Variants in SBF2 observed in about 807,000 individuals in gnomAD.
The protein encoded by SBF2 is myotubularin-related protein 13.
Under a neutral mutation model 225.2 loss-of-function variants are expected in SBF2, and 112 were observed. That is an observed-to-expected ratio of 0.50 (90% CI 0.43 to 0.58). The LOEUF (loss-of-function observed/expected upper bound fraction) is 0.58. Among genes scored for constraint, SBF2 ranks in the 20% least tolerant of loss-of-function variants. The pLI is 0.00. For missense variants in SBF2, 1,996 were observed against 2,206.2 expected (o/e 0.90, Z 1.91); for synonymous variants, 763 against 773.3 (o/e 0.99, Z 0.22).
intron 2 of SBF2, among the ~76,000 whole-genome samples, chr11:10,175,853 GA>G (rs1320962985): frequency 6.6e-6 from 1 of 151,894 alleles, no homozygotes; most frequent in Non-Finnish European, 1.5e-5. Context: ...TCAGGATTAA[GA>G]ATCTCACTCA....
intron 17 of SBF2, among the ~76,000 whole-genome samples, chr11:9,882,069 G>A (rs1440050418): frequency 6.6e-6 from 1 of 152,166 alleles, no homozygotes; most frequent in African/African-American, 2.4e-5. Context: ...ACAACATAAT[G>A]AGTCAAGTTG....
At chr11:9,916,638 C>T (rs1281030890) in intron 16 of SBF2, among the ~76,000 whole-genome samples, 2 of 144,934 alleles carry the variant, frequency 1.4e-5, no homozygotes, top group Non-Finnish European at 3.0e-5. Flanking sequence ...TGCTCTGTTG[C>T]CCAGGCTGGA....
At chr11:10,081,041 T>C (rs1403733008) in intron 2 of SBF2, among the ~76,000 whole-genome samples, 1 of 152,154 alleles carries the variant, frequency 6.6e-6, no homozygotes, top group African/African-American at 2.4e-5. Context: ...CTGACAGCAC[T>C]ACGCAGAGTA....
At chr11:10,203,648 A>C (rs1957644948) in intron 1 of SBF2, among the ~76,000 whole-genome samples, 2 of 151,078 alleles carry the variant, frequency 1.3e-5, no homozygotes, top group Non-Finnish European at 1.5e-5. Context: ...AATCAACTGA[A>C]ATAGACTCCA....
intron 1 of SBF2, among the ~76,000 whole-genome samples, chr11:10,217,212 T>C (rs1958164688): frequency 6.6e-6 from 1 of 152,192 alleles, no homozygotes; most frequent in African/African-American, 2.4e-5. Context: ...TCCTTCATAT[T>C]GGAGAACTAA....
At chr11:9,986,253 C>T (rs1338000714) in intron 13 of SBF2, among the ~76,000 whole-genome samples, 2 of 152,024 alleles carry the variant, frequency 1.3e-5, no homozygotes, top group African/African-American at 4.8e-5. Flanking sequence ...ATGACACAAC[C>T]TATCAAAACC....
At chr11:10,294,468 T>A (rs767832536), upstream of SBF2, among the ~76,000 whole-genome samples, 2 of 152,124 alleles carry the variant, frequency 1.3e-5, no homozygotes, top group Non-Finnish European at 2.9e-5. Context: ...AAGCAGGGGG[T>A]CCTTCCTTCC....
chr11:10,232,606 G>A lies in SBF2; in HGVS notation c.56-38619C>T, dbSNP rs188442807. Among the ~76,000 whole-genome samples, 153 of 145,038 alleles carry A rather than the reference G, an allele frequency of 1.1e-3. 1 individual carries two copies. The highest frequency in any genetic ancestry group is 6.1e-3 in the South Asian group (28 of 4,608). On this transcript the variant is annotated intron_variant, in intron 1 of 39. Transcript: ENST00000256190. ...AGGGACAAGGTCTTGCTCTGTCACC[G>A]AGGCTGGAGTACATTGGTGAGATCA... is the stretch of plus-strand genomic sequence containing the variant.
At chr11:10,134,804 G>A (rs1317299495) in intron 2 of SBF2, among the ~76,000 whole-genome samples, 2 of 152,076 alleles carry the variant, frequency 1.3e-5, no homozygotes, top group East Asian at 1.9e-4. Flanking sequence ...CTGCTTTCAC[G>A]GGCTGCTGTT....
intron 2 of SBF2, among the ~76,000 whole-genome samples, chr11:10,186,488 C>T (rs1458162116): frequency 6.6e-6 from 1 of 152,190 alleles, no homozygotes; most frequent in Admixed American, 6.5e-5. Context: ...ACTAAGATCA[C>T]ACCACTGCAC....
intron 2 of SBF2, among the ~76,000 whole-genome samples, chr11:10,157,223 T>A (rs1273932179): frequency 6.6e-6 from 1 of 152,130 alleles, no homozygotes; most frequent in Admixed American, 6.6e-5. Flanking sequence ...TTACGCAGAT[T>A]ATTAAAACTG....
At chr11:10,085,057 C>T (rs2134884673) in intron 2 of SBF2, among the ~76,000 whole-genome samples, 1 of 152,252 alleles carries the variant, frequency 6.6e-6, no homozygotes, top group African/African-American at 2.4e-5. Context: ...AATAAAATCG[C>T]ACATGCATTC....
At chr11:9,805,569 T>C (rs1853767748) in intron 32 of SBF2, among the ~76,000 whole-genome samples, 1 of 152,172 alleles carries the variant, frequency 6.6e-6, no homozygotes, top group African/African-American at 2.4e-5. Flanking sequence ...AATAAAAGGA[T>C]TGTATCTGAG....
chr11:10,096,674 CTT>C (rs1308281234), intron 2 of SBF2, among the ~76,000 whole-genome samples: 2 of 152,102 alleles, frequency 1.3e-5, no homozygotes, highest in Non-Finnish European at 2.9e-5. Context: ...CAAGCGGTGT[CTT>C]TTAAAAATAT....
intron 13 of SBF2, among the ~76,000 whole-genome samples, chr11:9,972,716 C>T (rs1451527706): frequency 1.3e-5 from 2 of 152,052 alleles, no homozygotes; most frequent in African/African-American, 2.4e-5. Flanking sequence ...CTTCTGACCT[C>T]GTGATCCACC....
chr11:10,173,205 G>C (rs1477586195), intron 2 of SBF2, among the ~76,000 whole-genome samples: 2 of 152,348 alleles, frequency 1.3e-5, no homozygotes, highest in African/African-American at 4.8e-5. Context: ...CCCAGCGTGA[G>C]CGACGCAGAA....
At chr11:10,214,491 C>T (rs963503422) in intron 1 of SBF2, among the ~76,000 whole-genome samples, 10 of 152,148 alleles carry the variant, frequency 6.6e-5, no homozygotes, top group African/African-American at 2.4e-4. Flanking sequence ...AGCGTGGTGG[C>T]ACGCGCCTGT....
intron 27 of SBF2, among the ~76,000 whole-genome samples, chr11:9,830,719 G>A (rs55693083): frequency 0.22 from 30,535 of 137,492 alleles, 3,459 homozygotes; most frequent in Non-Finnish European, 0.26. Context: ...CAGCCTGAGC[G>A]ACAGAGCAAG....
intron 13 of SBF2, among the ~76,000 whole-genome samples, chr11:9,976,720 C>T (rs921462786): frequency 6.6e-6 from 1 of 152,024 alleles, no homozygotes. Flanking sequence ...CTATGTAAAA[C>T]AATAAAACAC....
Sources: allele counts gnomAD v4.1 joint callset (sites outside exome capture counted in the v4.1 genomes callset), GRCh38; gene constraint gnomAD v4.1.1; transcripts MANE v1.5; gene names NCBI Gene and HGNC (gene_info 2026-07-23, HGNC 2026-07-21).